The following ARHGEF2 variants were observed in gnomAD, a reference collection of about 807,000 sequenced individuals.
The protein encoded by ARHGEF2 is Rho/Rac guanine nucleotide exchange factor 2, also known as rho guanine nucleotide exchange factor 2.
A neutral mutation model predicts 121.0 loss-of-function variants in ARHGEF2; 22 were observed. That is an observed-to-expected ratio of 0.18 (90% CI 0.13 to 0.26). The LOEUF (loss-of-function observed/expected upper bound fraction) is 0.26, where lower values mean the gene tolerates loss of function less well. Ranked by LOEUF, ARHGEF2 falls within the 10% of genes least tolerant of loss-of-function variation. The pLI is 1.00. For synonymous variants in ARHGEF2, 487 were observed against 530.0 expected (o/e 0.92, Z 1.11); for missense variants, 907 against 1,336.0 (o/e 0.68, Z 5.01).
At chr1:155,960,839 A>C (rs1260678067) in intron 11 of ARHGEF2, among the ~76,000 whole-genome samples, 2 of 152,176 alleles carry the variant, frequency 1.3e-5, no homozygotes, top group Admixed American at 6.6e-5. Context: ...GATTTAGGTG[A>C]GAAAGACTTT....
At chr1:155,966,750 G>A in intron 3 of ARHGEF2, 70 bp downstream of exon 3, 2 of 1,456,882 alleles carry the variant, frequency 1.4e-6, no homozygotes, top group Non-Finnish European at 1.9e-6. Context: ...GGGAATGAAT[G>A]GAAAAGGCAT....
At chr1:155,972,633 C>A (rs1179543129) in intron 1 of ARHGEF2, among the ~76,000 whole-genome samples, 1 of 152,076 alleles carries the variant, frequency 6.6e-6, no homozygotes, top group Non-Finnish European at 1.5e-5. Flanking sequence ...ATCCATAACA[C>A]CCACCCCAGT....
intron 14 of ARHGEF2, among the ~76,000 whole-genome samples, chr1:155,953,179 C>T (rs1675865805): frequency 6.6e-6 from 1 of 151,086 alleles, no homozygotes; most frequent in Non-Finnish European, 1.5e-5. Context: ...GCACAAGAAT[C>T]GCTTGAACCC....
chr1:155,951,488 G>A lies in ARHGEF2; in HGVS notation c.2254C>T (p.Leu752=). ...CAAGCCCTTGTCCTACTGACCTGTAGGCCATGTAGAAGTCCATAGAGATTG... is the reference window on the plus strand; with the variant it reads ...CAAGCCCTTGTCCTACTGACCTGTAAGCCATGTAGAAGTCCATAGAGATTG... ...LVNLYGLLHG[L]QAAVAQQDTL... Residue 752 remains leucine, a synonymous_variant, in exon 19 of 22, where the codon CTA becomes TTA. Transcript: ENST00000361247. This position sits in a 1 kb window ranked among gnomAD's most constrained non-coding sequence, Gnocchi z 5.1. 3 of 1,614,168 alleles carry A rather than the reference G, an allele frequency of 1.9e-6. No homozygotes were observed. The highest frequency in any genetic ancestry group is 2.5e-6 in the Non-Finnish European group (3 of 1,180,024).
At chr1:155,948,806 G>A (rs1452008780) in intron 21 of ARHGEF2, among the ~76,000 whole-genome samples, 1 of 152,040 alleles carries the variant, frequency 6.6e-6, no homozygotes, top group South Asian at 2.1e-4. Flanking sequence ...CCTCTGTCTG[G>A]GTCTCCGGGT....
At position 155,962,400 on chromosome 1, in the gene ARHGEF2, A is replaced by C. The variant is rs1212456929; in HGVS notation, c.1102-178T>G. On this transcript the variant is annotated intron_variant, in intron 9 of 21. Coordinates refer to ENST00000361247, the MANE Select transcript of ARHGEF2 (RefSeq NM_001162383.2). This position sits in a 1 kb window ranked among gnomAD's most constrained non-coding sequence, Gnocchi z 5.8. ...TTGTGAGGACCAACTGAAGGAGCAA[A>C]AAGTACTTGGGAAACTACCACAACG... The C allele has an allele frequency of 9.6e-7, 1 of 1,046,988 alleles. No individual in the cohort carries two copies. The highest frequency in any genetic ancestry group is 1.6e-5 in the African/African-American group (1 of 62,940). The allele number at this position is 1,046,988 out of a possible 1,614,324, so 64.9% of individuals were successfully genotyped here. A position where few individuals can be genotyped will look rare whatever the true frequency, so the allele number is the denominator to read the frequency against.
At position 155,965,594 on chromosome 1, in the gene ARHGEF2, ACT is replaced by A. The variant is rs1558035346; in HGVS notation, c.470+35_470+36del. The stretch of plus-strand genomic sequence containing the variant: ...GCACCCCCTTGGCCTCCACTGCCAC[ACT>A]CTCTGGCTGCCCCTTTCCCCAAACA... On this transcript the variant is annotated intron_variant, in intron 5 of 21. Transcript: ENST00000361247. The surrounding 1 kb of genome is among the most constrained non-coding windows in gnomAD (Gnocchi z 6.0). 2 of 1,611,568 alleles carry A rather than the reference ACT, an allele frequency of 1.2e-6. No homozygotes were observed. The highest frequency in any genetic ancestry group is 1.7e-6 in the Non-Finnish European group (2 of 1,179,624).
At position 155,962,839 on chromosome 1, in the gene ARHGEF2, T is replaced by A; in HGVS notation, c.975+94A>T. 2.5e-6 allele frequency: 4 copies of A among 1,597,874 alleles called. No individual in the cohort carries two copies. The East Asian group carries it at 9.0e-5, about 36-fold the overall frequency. On this transcript the variant is annotated intron_variant, in intron 8 of 21. Transcript: ENST00000361247. This position sits in a 1 kb window ranked among gnomAD's most constrained non-coding sequence, Gnocchi z 5.8. ...TCCTGTTTCTCCAGCTCTCCCTGGC[T>A]CCCCTCCAACCCCTAGAATTTGGAC...
At chr1:155,948,456 C>G (rs1194779350) in intron 21 of ARHGEF2, among the ~76,000 whole-genome samples, 1 of 151,912 alleles carries the variant, frequency 6.6e-6, no homozygotes, top group African/African-American at 2.4e-5. Context: ...ATGGTGAAAC[C>G]CCATCTCTAC....
At chr1:155,964,102 G>A (rs1304495429) in intron 7 of ARHGEF2, among the ~76,000 whole-genome samples, 5 of 136,534 alleles carry the variant, frequency 3.7e-5, no homozygotes, top group East Asian at 2.1e-4. Context: ...CCGAGATAGC[G>A]CCAGTGCACT....
chr1:155,971,095 T>A, intron 1 of ARHGEF2: 1 of 985,964 alleles, frequency 1.0e-6, no homozygotes. Flanking sequence ...CCCCTCCTCC[T>A]CACGCAGGCC....
chr1:155,949,303 C>G (rs1027176937), intron 21 of ARHGEF2, among the ~76,000 whole-genome samples: 1 of 150,322 alleles, frequency 6.7e-6, no homozygotes, highest in African/African-American at 2.4e-5. Flanking sequence ...TAAAATAGAC[C>G]GGGTGCAGTG....
At chr1:155,958,494 G>T in intron 11 of ARHGEF2, 98 bp from the exon 12 acceptor site, 1 of 946,394 alleles carries the variant, frequency 1.1e-6, no homozygotes, top group Non-Finnish European at 1.6e-6. Flanking sequence ...TCAGGTTAGA[G>T]CTCCCAGTTT....
chr1:155,961,435 C>T lies in ARHGEF2; in HGVS notation c.1468+226G>A, dbSNP rs1325798210. Among the ~76,000 whole-genome samples, 5 of 152,030 alleles carry T rather than the reference C, an allele frequency of 3.3e-5. No homozygotes were observed. Among genetic ancestry groups the T allele is most frequent in the South Asian group, 2.1e-4 (1 of 4,814 alleles). On this transcript the variant is annotated intron_variant, in intron 11 of 21. Transcript: ENST00000361247. The surrounding 1 kb of genome is among the most constrained non-coding windows in gnomAD (Gnocchi z 4.7). The stretch of plus-strand genomic sequence containing the variant: ...GACTATAGGCGCCCACCACCACGCC[C>T]GGCGAATTTTTTGTATTTTCAGTAG...
At position 155,952,836 on chromosome 1, in the gene ARHGEF2, T is replaced by G. The variant is rs369847270; in HGVS notation, c.1784-8A>C. Reference sequence around the variant, plus strand: ...CCTTCTGCTGCAACTCCACTGCAGATAAGGAACAAGTGAGGACATGAGAGG... The same window carrying G: ...CCTTCTGCTGCAACTCCACTGCAGAGAAGGAACAAGTGAGGACATGAGAGG... On this transcript the variant is annotated splice_region_variant and splice_polypyrimidine_tract_variant and intron_variant, in intron 14 of 21. Coordinates refer to ENST00000361247, the MANE Select transcript of ARHGEF2 (RefSeq NM_001162383.2). 160 of 1,613,532 alleles carry G rather than the reference T, an allele frequency of 9.9e-5. No individual in the cohort carries two copies. The highest frequency in any genetic ancestry group is 1.6e-5 in the Non-Finnish European group (19 of 1,179,864).
chr1:155,972,708 C>CT (rs879914050), intron 1 of ARHGEF2, among the ~76,000 whole-genome samples: 82 of 142,852 alleles, frequency 5.7e-4, no homozygotes, highest in East Asian at 1.6e-3. Flanking sequence ...TTTTTTTTTT[C>CT]TTTTTTTTTT....
At chr1:155,952,034 T>A (rs767580737) in intron 16 of ARHGEF2, 48 bp from the exon 17 acceptor site, 2 of 1,613,702 alleles carry the variant, frequency 1.2e-6, no homozygotes, top group South Asian at 2.2e-5. Context: ...CCTGGGGCCC[T>A]GATACCACTT....
rs980176038 is a variant in ARHGEF2, at chr1:155,952,189, G to A, written c.2031C>T (p.Leu677=). The A allele has an allele frequency of 1.1e-5, 18 of 1,614,034 alleles. No individual in the cohort carries two copies. Among genetic ancestry groups the A allele is most frequent in the Admixed American group, 1.7e-5 (1 of 60,012 alleles). ...GCAGGGCTGGCTCTCGGGGTGTCAA[G>A]AGCAGTTCCACTCCTGGCCCCACCA... ...DLLVGPGVEL[L]LTPREPALPL... Residue 677 remains leucine (L), a synonymous_variant, in exon 16 of 22, where the codon CTC becomes CTT. Coordinates refer to ENST00000361247, the MANE Select transcript of ARHGEF2 (RefSeq NM_001162383.2).
At chr1:155,969,563 T>A in intron 1 of ARHGEF2, 1 of 1,323,038 alleles carries the variant, frequency 7.6e-7, no homozygotes, top group Non-Finnish European at 9.7e-7. Context: ...TGCCTCCTGT[T>A]GCCACTCATC....
Sources: gnomAD v4.1 joint callset for allele counts (sites outside exome capture counted in the v4.1 genomes callset) on GRCh38, gnomAD v4.1.1 for gene constraint, Gnocchi (gnomAD v3.1) non-coding constraint, MANE v1.5 for transcripts, NCBI Gene and HGNC (gene_info 2026-07-23, HGNC 2026-07-21) for gene names.